The following EFCAB8 variants were observed in gnomAD, a reference collection of about 807,000 sequenced individuals.
The protein encoded by EFCAB8 is EF-hand calcium-binding domain-containing protein 8.
In EFCAB8, 100 loss-of-function variants were observed where a neutral mutation model predicts 116.3. The observed-to-expected ratio is 0.86, with a 90% CI of 0.73 to 1.02. The LOEUF is 1.02. EFCAB8 is among the 50% of genes least tolerant of loss of function. The pLI is 0.00. For synonymous variants in EFCAB8, 558 were observed against 567.9 expected (o/e 0.98, Z 0.25); for missense variants, 1,320 against 1,416.9 (o/e 0.93, Z 1.10).
At chr20:32,909,573 T>G (rs1986824517) in intron 14 of EFCAB8, among the ~76,000 whole-genome samples, 1 of 151,182 alleles carries the variant, frequency 6.6e-6, no homozygotes. Context: ...AAAGGGACCT[T>G]GGACTTGGAA....
intron 13 of EFCAB8, 124 bp from the exon 14 acceptor site, chr20:32,908,151 G>A: frequency 1.1e-6 from 1 of 934,396 alleles, no homozygotes; most frequent in Non-Finnish European, 1.4e-6. Context: ...ATGTGTGTGT[G>A]TTAGAAGTGC....
intron 15 of EFCAB8, among the ~76,000 whole-genome samples, chr20:32,910,328 T>G (rs1373220600): frequency 1.3e-5 from 2 of 152,100 alleles, no homozygotes; most frequent in African/African-American, 2.4e-5. Context: ...TAACTTGGCT[T>G]TTTTCATTGT....
At chr20:32,939,302 T>C (rs1278838563) in intron 22 of EFCAB8, among the ~76,000 whole-genome samples, 1 of 142,056 alleles carries the variant, frequency 7.0e-6, no homozygotes, top group East Asian at 2.0e-4. Context: ...TTTTGTTTTT[T>C]GACAGAGTCT....
intron 22 of EFCAB8, among the ~76,000 whole-genome samples, chr20:32,939,804 C>T (rs145171298): frequency 0.017 from 2,560 of 147,918 alleles, 231 homozygotes; most frequent in African/African-American, 0.062. Context: ...AAGCGATTCT[C>T]CTGCCTCAGC....
intron 23 of EFCAB8, among the ~76,000 whole-genome samples, chr20:32,955,644 C>A (rs966264168): frequency 2.0e-5 from 3 of 152,156 alleles, no homozygotes; most frequent in Non-Finnish European, 4.4e-5. Flanking sequence ...CTTGAAGAAA[C>A]CCCAAGAAGG....
At chr20:32,928,418 G>T (rs1380792251) in intron 20 of EFCAB8, among the ~76,000 whole-genome samples, 2 of 151,930 alleles carry the variant, frequency 1.3e-5, no homozygotes, top group African/African-American at 4.8e-5. Context: ...GTATTTTTTA[G>T]TAGAGACGGG....
chr20:32,860,493 C>CATTTTTTTT (rs1984052803), intron 1 of EFCAB8, among the ~76,000 whole-genome samples: 1 of 83,994 alleles, frequency 1.2e-5, no homozygotes, highest in East Asian at 4.9e-4. Flanking sequence ...ATGGTGGTAA[C>CATTTTTTTT]TTTTTTTTTT....
chr20:32,941,024 T>C lies in EFCAB8; in HGVS notation c.2791-2612T>C, dbSNP rs1446939279. ...ATCCCAGCACTTTGGGAGGCTGAGG[T>C]GGGCGGATTATGAGGTCAGGAGTTT... On this transcript the variant is annotated intron_variant, in intron 22 of 26. Coordinates refer to ENST00000400522, the MANE Select transcript of EFCAB8 (RefSeq NM_001143967.2). Among the ~76,000 whole-genome samples, 32 of 148,524 alleles carry C rather than the reference T, an allele frequency of 2.2e-4. 2 individuals are homozygous for C. Among genetic ancestry groups the C allele is most frequent in the African/African-American group, 7.8e-4 (31 of 39,858 alleles).
rs145953307 is a variant in EFCAB8 at position 32,885,296 on chromosome 20, C to G, written c.432-209C>G. On this transcript the variant is annotated intron_variant, in intron 5 of 26. Transcript: ENST00000400522. ...GCCTCATATCAGCTTCTACGTGGGGCCCTTTTTCTTTTGGCCACTGTTGAT... is the reference window on the plus strand; with the variant it reads ...GCCTCATATCAGCTTCTACGTGGGGGCCTTTTTCTTTTGGCCACTGTTGAT... Among the ~76,000 whole-genome samples, 873 of 152,336 alleles carry G rather than the reference C, an allele frequency of 5.7e-3. 8 individuals carry two copies. The highest frequency in any genetic ancestry group is 0.02 in the African/African-American group (836 of 41,578).
intron 6 of EFCAB8, among the ~76,000 whole-genome samples, chr20:32,888,070 C>CT (rs370686940): frequency 0.16 from 22,949 of 146,888 alleles, 1,940 homozygotes; most frequent in East Asian, 0.36. Context: ...CCTTTTCTTT[C>CT]TTTTTTTTTT....
At chr20:32,908,141 A>C in intron 13 of EFCAB8, 134 bp from the exon 14 acceptor site, 1 of 803,016 alleles carries the variant, frequency 1.2e-6, no homozygotes, top group Non-Finnish European at 1.7e-6. Context: ...TGCCAACACC[A>C]TGTGTGTGTG....
intron 14 of EFCAB8, among the ~76,000 whole-genome samples, chr20:32,909,607 G>A (rs1445633320): frequency 6.6e-6 from 1 of 152,060 alleles, no homozygotes; most frequent in Non-Finnish European, 1.5e-5. Context: ...GAACACTAGG[G>A]TTTGGAAGGC....
At chr20:32,922,607 G>A (rs1367467901) in intron 20 of EFCAB8, among the ~76,000 whole-genome samples, 1 of 152,238 alleles carries the variant, frequency 6.6e-6, no homozygotes, top group African/African-American at 2.4e-5. Context: ...ATGGCAGGGA[G>A]AACAGACATG....
intron 3 of EFCAB8, among the ~76,000 whole-genome samples, chr20:32,874,032 C>T (rs1042384176): frequency 3.9e-4 from 59 of 151,692 alleles, no homozygotes; most frequent in Admixed American, 3.9e-4. Context: ...GCAATCCTCC[C>T]AGCTCAACCT....
chr20:32,866,029 C>T (rs1022887816), intron 2 of EFCAB8, among the ~76,000 whole-genome samples: 2 of 152,040 alleles, frequency 1.3e-5, no homozygotes, highest in African/African-American at 4.8e-5. Context: ...GAGGGAAGAG[C>T]TGAAGGCGGT....
At chr20:32,906,682 T>TG (rs1464932706) in intron 12 of EFCAB8, 53 bp downstream of exon 12, 2 of 717,694 alleles carry the variant, frequency 2.8e-6, no homozygotes, top group Non-Finnish European at 2.6e-6. Context: ...CTGCTGGGGA[T>TG]GGGGGGACCA....
intron 7 of EFCAB8, among the ~76,000 whole-genome samples, chr20:32,891,920 C>G (rs971602826): frequency 6.6e-6 from 1 of 152,010 alleles, no homozygotes; most frequent in Admixed American, 6.5e-5. Context: ...TCTCAAACTC[C>G]TAGGCTCAAG....
intron 15 of EFCAB8, among the ~76,000 whole-genome samples, chr20:32,910,593 C>G (rs1323843417): frequency 6.6e-6 from 1 of 152,138 alleles, no homozygotes; most frequent in Non-Finnish European, 1.5e-5. Context: ...GGCTTCTCTC[C>G]CATCCTGGCT....
chr20:32,933,639 C>G (rs1281691717), intron 22 of EFCAB8, among the ~76,000 whole-genome samples: 1 of 152,214 alleles, frequency 6.6e-6, no homozygotes, highest in Non-Finnish European at 1.5e-5. Context: ...CCACCCCACC[C>G]TCTAAGCCTC....
Sources: gnomAD v4.1 joint callset for allele counts (sites outside exome capture counted in the v4.1 genomes callset) on GRCh38, gnomAD v4.1.1 for gene constraint, MANE v1.5 for transcripts, NCBI Gene and HGNC (gene_info 2026-07-23, HGNC 2026-07-21) for gene names.